MSRA: variants seen among roughly 807,000 people sequenced by gnomAD.
The protein encoded by MSRA is methionine sulfoxide reductase A.
In MSRA, 54 loss-of-function variants were observed where a neutral mutation model predicts 31.3. The observed-to-expected ratio is 1.73, with a 90% confidence interval of 1.39 to 2.17. The LOEUF is 2.17. MSRA is among the 30% of genes most tolerant of loss of function. The pLI is 0.00. For synonymous variants in MSRA, 169 were observed against 116.5 expected (o/e 1.45, Z -2.90); for missense variants, 507 against 300.9 (o/e 1.69, Z -5.07).
At chr8:10,312,237 C>A (rs1390460221) in intron 4 of MSRA, among the ~76,000 whole-genome samples, 1 of 152,094 alleles carries the variant, frequency 6.6e-6, no homozygotes. Context: ...CGATATTTCA[C>A]AATGGCTACA....
intron 1 of MSRA, among the ~76,000 whole-genome samples, chr8:10,097,779 AG>A (rs965102480): frequency 6.6e-6 from 1 of 152,200 alleles, no homozygotes; most frequent in African/African-American, 2.4e-5. Context: ...GATCAAAAGT[AG>A]GTGAATTAAA....
chr8:10,381,385 C>G (rs1806060171), intron 5 of MSRA, among the ~76,000 whole-genome samples: 1 of 152,164 alleles, frequency 6.6e-6, no homozygotes, highest in South Asian at 2.1e-4. Flanking sequence ...TGGTTTAGGG[C>G]TAATCCCCAG....
rs1043317444 is a variant in MSRA at position 10,095,520 on chromosome 8, C to G, written c.142+40862C>G. The G allele has an allele frequency of 2.7e-5, 27 of 985,432 alleles. No individual in the cohort carries two copies. In the South Asian group the frequency reaches 3.8e-4, roughly 14 times the overall value. The allele number at this position is 985,432 out of a possible 1,614,324, so 61.0% of individuals were successfully genotyped here. The stretch of plus-strand genomic sequence containing the variant: ...GGCACAGCCTGGACCTCCGCCAAGA[C>G]TGCTCGGAAGGTTGCCATACTGGGA... On this transcript the variant is annotated intron_variant, in intron 1 of 5. Coordinates refer to ENST00000317173, the MANE Select transcript of MSRA (RefSeq NM_012331.5).
intron 2 of MSRA, among the ~76,000 whole-genome samples, chr8:10,214,405 C>T (rs1017764905): frequency 1.3e-5 from 2 of 152,072 alleles, no homozygotes; most frequent in African/African-American, 4.8e-5. Flanking sequence ...TGAATCAGCC[C>T]CGGTTATTTG....
Position 10,132,953 on chromosome 8 carries a change from G to T in MSRA, c.143-74880G>T, listed in dbSNP as rs546596536. ...AGCAGGCCAGAAGGTTCTACAATAGGCCTGGCCTCAAATATATTTCACTTG... is the reference window on the plus strand; with the variant it reads ...AGCAGGCCAGAAGGTTCTACAATAGTCCTGGCCTCAAATATATTTCACTTG... On this transcript the variant is annotated intron_variant, in intron 1 of 5. Transcript: ENST00000317173. Among the ~76,000 whole-genome samples the T allele has an allele frequency of 3.1e-3, 474 of 152,290 alleles. 18 individuals are homozygous for T. The highest frequency in any genetic ancestry group is 3.7e-3 in the Non-Finnish European group (250 of 68,026).
chr8:10,222,146 G>A (rs912458315), intron 2 of MSRA, among the ~76,000 whole-genome samples: 3 of 151,952 alleles, frequency 2.0e-5, no homozygotes, highest in African/African-American at 7.3e-5. Flanking sequence ...GGTGAGAGAT[G>A]CAGCAGGAAT....
chr8:10,122,032 T>C (rs1244215205), intron 1 of MSRA, among the ~76,000 whole-genome samples: 1 of 152,050 alleles, frequency 6.6e-6, no homozygotes, highest in Non-Finnish European at 1.5e-5. Flanking sequence ...ACACGCATGC[T>C]TGTGGATCTA....
chr8:10,233,088 C>T (rs1253352934), intron 2 of MSRA, among the ~76,000 whole-genome samples: 1 of 152,180 alleles, frequency 6.6e-6, no homozygotes, highest in Admixed American at 6.5e-5. Flanking sequence ...TCAGTATCAC[C>T]TTAGGTTAAA....
At chr8:10,147,787 C>A (rs1445199870) in intron 1 of MSRA, among the ~76,000 whole-genome samples, 1 of 152,220 alleles carries the variant, frequency 6.6e-6, no homozygotes, top group Non-Finnish European at 1.5e-5. Context: ...TGGCACCCCC[C>A]ACGTCCCAGG....
chr8:10,093,922 C>T (rs1798988297), intron 1 of MSRA, among the ~76,000 whole-genome samples: 1 of 152,208 alleles, frequency 6.6e-6, no homozygotes, highest in Admixed American at 6.5e-5. Context: ...AGCTCTTTGA[C>T]TATGTTATCC....
At chr8:10,197,489 G>A (rs906189520) in intron 1 of MSRA, among the ~76,000 whole-genome samples, 7 of 152,138 alleles carry the variant, frequency 4.6e-5, no homozygotes, top group African/African-American at 1.7e-4. Context: ...CTAAGAAGTG[G>A]GTCGGGCATT....
intron 1 of MSRA, among the ~76,000 whole-genome samples, chr8:10,114,643 C>G (rs778855371): frequency 6.6e-6 from 1 of 152,162 alleles, no homozygotes; most frequent in Non-Finnish European, 1.5e-5. Context: ...AAAGAGAGGT[C>G]TTACGTAGCT....
chr8:10,129,643 A>G (rs1004168132), intron 1 of MSRA, among the ~76,000 whole-genome samples: 2 of 152,048 alleles, frequency 1.3e-5, no homozygotes, highest in Non-Finnish European at 1.5e-5. Flanking sequence ...GCAGATCAGA[A>G]GGGGTGGGAA....
At chr8:10,423,776 C>A (rs141780622) in intron 5 of MSRA, among the ~76,000 whole-genome samples, 3 of 152,194 alleles carry the variant, frequency 2.0e-5, no homozygotes, top group Non-Finnish European at 2.9e-5. Context: ...GTCCGTCGTC[C>A]CCTTCTCCCT....
chr8:10,173,665 C>T (rs2129047333), intron 1 of MSRA, among the ~76,000 whole-genome samples: 1 of 152,308 alleles, frequency 6.6e-6, no homozygotes, highest in East Asian at 1.9e-4. Context: ...GGCTTGCAGC[C>T]AGGCTCAACT....
chr8:10,160,305 C>A (rs1416777055), intron 1 of MSRA, among the ~76,000 whole-genome samples: 1 of 152,030 alleles, frequency 6.6e-6, no homozygotes, highest in Non-Finnish European at 1.5e-5. Flanking sequence ...ACCATCCTGG[C>A]TAACACAGTT....
chr8:10,240,649 C>G (rs1233382847), intron 2 of MSRA, among the ~76,000 whole-genome samples: 1 of 152,232 alleles, frequency 6.6e-6, no homozygotes, highest in Admixed American at 6.5e-5. Context: ...AAGCCACTTG[C>G]TGCTGCCCTT....
intron 5 of MSRA, among the ~76,000 whole-genome samples, chr8:10,322,631 A>G (rs1248850808): frequency 6.6e-6 from 1 of 152,034 alleles, no homozygotes; most frequent in African/African-American, 2.4e-5. Context: ...CCTTGCAGGG[A>G]GGATTGTTAG....
At chr8:10,204,843 G>A (rs1393977240) in intron 1 of MSRA, among the ~76,000 whole-genome samples, 2 of 152,138 alleles carry the variant, frequency 1.3e-5, no homozygotes, top group African/African-American at 4.8e-5. Context: ...GTGTCCATAC[G>A]CTGAGAGAGG....
Sources: allele counts gnomAD v4.1 joint callset (sites outside exome capture counted in the v4.1 genomes callset), GRCh38; gene constraint gnomAD v4.1.1; transcripts MANE v1.5; gene names NCBI Gene and HGNC (gene_info 2026-07-23, HGNC 2026-07-21).